Variants in ZNF793 observed in about 807,000 individuals in gnomAD.
The protein encoded by ZNF793 is zinc finger protein 793.
ZNF793 carries 5 observed loss-of-function variants against 12.4 expected under a neutral mutation model. That is an observed-to-expected ratio of 0.40 (90% confidence interval 0.21 to 0.84). The LOEUF (loss-of-function observed/expected upper bound fraction) is 0.84. Ranked by LOEUF, ZNF793 falls within the 40% of genes least tolerant of loss-of-function variation. ZNF793 has a pLI of 0.35. For synonymous variants in ZNF793, 162 were observed against 172.4 expected (o/e 0.94, Z 0.47); for missense variants, 456 against 495.0 (o/e 0.92, Z 0.75).
rs868031182 is a variant in ZNF793, at chr19:37,540,752, A to G, written c.*2873A>G. ...TTGTACACCAATAAATGAAAAGACT[A>G]TTTTTTGAGTTAACTTTTCTAAGAA... On this transcript the variant is annotated 3_prime_UTR_variant, in exon 8 of 8. Coordinates refer to ENST00000627814, the MANE Select transcript of ZNF793 (RefSeq NM_001013659.3). The G allele has an allele frequency of 2.6e-5, 4 of 151,960 alleles. No individual in the cohort carries two copies. Among genetic ancestry groups the G allele is most frequent in the Admixed American group, 6.6e-5 (1 of 15,240 alleles). 9.4% of individuals were successfully genotyped at this position (151,960 alleles called of 1,614,324 possible). A position where few individuals can be genotyped will look rare whatever the true frequency, so the allele number is the denominator to read the frequency against.
chr19:37,519,874 C>T (rs1017765671), intron 2 of ZNF793, among the ~76,000 whole-genome samples: 1 of 152,234 alleles, frequency 6.6e-6, no homozygotes, highest in Admixed American at 6.5e-5. Flanking sequence ...GCTCCCGAGT[C>T]TGTTTGACAG....
At chr19:37,512,028 T>C (rs2042297953) in intron 2 of ZNF793, among the ~76,000 whole-genome samples, 1 of 152,066 alleles carries the variant, frequency 6.6e-6, no homozygotes, top group Non-Finnish European at 1.5e-5. Context: ...CGGAGGAGTC[T>C]GCCTTAGGGA....
chr19:37,536,962 G>A lies in ZNF793; in HGVS notation c.304G>A (p.Ala102Thr). 2 of 1,613,924 alleles carry A rather than the reference G, an allele frequency of 1.2e-6. No individual in the cohort carries two copies. Among genetic ancestry groups the A allele is most frequent in the Non-Finnish European group, 1.7e-6 (2 of 1,179,874 alleles). Residue 102 changes from alanine (A) to threonine (T), a missense_variant, in exon 8 of 8, where the codon GCC becomes ACC. By Grantham distance (58) the Ala-to-Thr change is moderately conservative. Transcript: ENST00000627814. The part of the protein sequence containing the change: ...RQDMLLRPGA[A>T]ISKKTLPKEK... The stretch of plus-strand genomic sequence containing the variant: ...AGACATGCTTTTGAGGCCAGGCGCA[G>A]CCATAAGCAAGAAAACATTGCCCAA...
At chr19:37,521,465 C>T (rs761591851) in intron 3 of ZNF793, among the ~76,000 whole-genome samples, 211 of 106,774 alleles carry the variant, frequency 2.0e-3, no homozygotes, top group Middle Eastern at 0.01. Flanking sequence ...GACAGAGTTT[C>T]GCTCTTGTTG....
At chr19:37,533,500 C>A in intron 7 of ZNF793, 97 bp downstream of exon 7, 2 of 1,062,714 alleles carry the variant, frequency 1.9e-6, no homozygotes, top group Non-Finnish European at 2.8e-6. Context: ...GAAAGTCCTC[C>A]GAGAGCTTCA....
At chr19:37,521,820 A>G (rs763199094) in intron 3 of ZNF793, among the ~76,000 whole-genome samples, 2 of 152,118 alleles carry the variant, frequency 1.3e-5, no homozygotes, top group African/African-American at 2.4e-5. Flanking sequence ...TCTCCTATGT[A>G]TTCCTTACCT....
rs2042561961 is a variant in ZNF793, at chr19:37,543,089, CATA to C, written c.*5216_*5218del. ...TATATATTGTAAAAAGGGAAAATTTCATAATAATGTATACGATTCTATTTTTAA... is the reference window on the plus strand; with the variant it reads ...TATATATTGTAAAAAGGGAAAATTTCATAATGTATACGATTCTATTTTTAA... On this transcript the variant is annotated 3_prime_UTR_variant, in exon 8 of 8. Coordinates refer to ENST00000627814, the MANE Select transcript of ZNF793 (RefSeq NM_001013659.3). The C allele has an allele frequency of 6.6e-6, 1 of 152,108 alleles. No individual in the cohort carries two copies. Among genetic ancestry groups the C allele is most frequent in the East Asian group, 1.9e-4 (1 of 5,174 alleles). 9.4% of individuals were successfully genotyped at this position (152,108 alleles called of 1,614,324 possible).
At position 37,541,066 on chromosome 19, in the gene ZNF793, A is replaced by G. The variant is rs1158394032; in HGVS notation, c.*3187A>G. The G allele has an allele frequency of 6.6e-6, 1 of 152,132 alleles. No individual in the cohort carries two copies. Among genetic ancestry groups the G allele is most frequent in the Admixed American group, 6.5e-5 (1 of 15,276 alleles). The allele number at this position is 152,132 out of a possible 1,614,324, so 9.4% of individuals were successfully genotyped here. The stretch of plus-strand genomic sequence containing the variant: ...ATTGTATTGGCAAAGGAACAGGTAA[A>G]TACATCATTAGAACACAGTAGAAAA... On this transcript the variant is annotated 3_prime_UTR_variant, in exon 8 of 8. Transcript: ENST00000627814.
Position 37,537,666 on chromosome 19 carries a change from A to G in ZNF793, c.1008A>G (p.Glu336=). Residue 336 remains glutamate, a synonymous_variant, in exon 8 of 8, where the codon GAA becomes GAG. Transcript: ENST00000627814. ...TACATCGAAAAATGCACACAGGAGA[A>G]AGACCGTATCGTTGCAGAGAATGTG... ...LNVHRKMHTG[E]RPYRCRECGK... The G allele has an allele frequency of 6.2e-7, 1 of 1,613,702 alleles. No individual in the cohort carries two copies. The highest frequency in any genetic ancestry group is 8.5e-7 in the Non-Finnish European group (1 of 1,179,702).
rs2042543037 is a variant in ZNF793, at chr19:37,540,264, T to TC, written c.*2386dup. The TC allele has an allele frequency of 1.5e-4, 2 of 12,932 alleles. No individual in the cohort carries two copies. The highest frequency in any genetic ancestry group is 5.4e-3 in the South Asian group (2 of 368). 0.8% of individuals were successfully genotyped at this position (12,932 alleles called of 1,614,324 possible). ...CCTGGGTGACAAGAGCGAAACTCCG[T>TC]CAAAAAAAAAAAAAAAAAAAGAAAA... On this transcript the variant is annotated 3_prime_UTR_variant, in exon 8 of 8. Transcript: ENST00000627814.
chr19:37,534,697 T>C (rs1452339799), intron 7 of ZNF793: 1 of 152,442 alleles, frequency 6.6e-6, no homozygotes, highest in Non-Finnish European at 1.5e-5. Flanking sequence ...TTTTTTTCTT[T>C]TTGAGACAGT....
At chr19:37,532,669 A>G (rs1200547035) in intron 6 of ZNF793, among the ~76,000 whole-genome samples, 187 bp downstream of exon 6, 1 of 152,016 alleles carries the variant, frequency 6.6e-6, no homozygotes, top group Non-Finnish European at 1.5e-5. Context: ...AAATACAAAT[A>G]TTATCCAGGT....
intron 5 of ZNF793, among the ~76,000 whole-genome samples, chr19:37,531,178 TTTG>T (rs1467061465): frequency 6.6e-6 from 1 of 151,704 alleles, no homozygotes. Flanking sequence ...TTTGTTTTTT[TTTG>T]TTTGAGTCAG....
rs2042477064 is a variant in ZNF793 at position 37,533,317 on chromosome 19, G to T, written c.152G>T (p.Gly51Val). Residue 51 changes from glycine (G) to valine (V), a missense_variant, in exon 7 of 8, where the codon GGC becomes GTC. By Grantham distance (109) the Gly-to-Val change is moderately radical. Transcript: ENST00000627814. ...YSNLVSVGYE[G>V]TKPDVILRLE... ...AATTTCCCCGGAACAGGTTATGAAG[G>T]CACCAAACCAGATGTGATCCTCAGA... is the stretch of plus-strand genomic sequence containing the variant. The T allele has an allele frequency of 1.9e-6, 3 of 1,613,776 alleles. No homozygotes were observed. The highest frequency in any genetic ancestry group is 2.5e-6 in the Non-Finnish European group (3 of 1,179,864).
chr19:37,533,537 A>G (rs767049791), intron 7 of ZNF793, 134 bp downstream of exon 7: 8 of 687,978 alleles, frequency 1.2e-5, no homozygotes, highest in Non-Finnish European at 2.0e-5. Flanking sequence ...TTCAACCTCC[A>G]TGCAACCCCA....
Position 37,537,530 on chromosome 19 carries a change from CCTTT to C in ZNF793, c.873_876del (p.Phe292ProfsTer108). 6.2e-7 allele frequency: 1 copy of C among 1,614,110 alleles called. No individual in the cohort carries two copies. Among genetic ancestry groups the C allele is most frequent in the Non-Finnish European group, 8.5e-7 (1 of 1,180,004 alleles). On this transcript the variant is annotated frameshift_variant, in exon 8 of 8. Coordinates refer to ENST00000627814, the MANE Select transcript of ZNF793 (RefSeq NM_001013659.3). LOFTEE classifies it low-confidence loss of function (END_TRUNC). ...TTTGAATGTTTTTTTTGTGGGAAAG[CCTTT>C]ACCCAGAAGTCACACCGCACAGAAC...
At chr19:37,522,417 C>G (rs928491410) in intron 3 of ZNF793, 115 bp from the exon 4 acceptor site, 1 of 152,082 alleles carries the variant, frequency 6.6e-6, no homozygotes, top group Non-Finnish European at 1.5e-5. Flanking sequence ...AGGCTGGTCT[C>G]GAACTCCTGA....
chr19:37,518,282 T>A (rs1600408497), intron 2 of ZNF793, among the ~76,000 whole-genome samples: 1 of 151,940 alleles, frequency 6.6e-6, no homozygotes, highest in East Asian at 1.9e-4. Flanking sequence ...CCTCCCACCA[T>A]GCCCAGCTAA....
intron 2 of ZNF793, among the ~76,000 whole-genome samples, chr19:37,519,080 C>G (rs954937427): frequency 2.0e-5 from 3 of 152,080 alleles, no homozygotes; most frequent in Non-Finnish European, 4.4e-5. Flanking sequence ...TCCTGGCTAA[C>G]GCGGTGAAAC....
Sources: gnomAD v4.1 joint callset for allele counts (sites outside exome capture counted in the v4.1 genomes callset) on GRCh38, gnomAD v4.1.1 for gene constraint, MANE v1.5 for transcripts, NCBI Gene and HGNC (gene_info 2026-07-23, HGNC 2026-07-21) for gene names.